The following FAM178B variants were observed in gnomAD, a reference collection of about 807,000 sequenced individuals.
FAM178B encodes the protein protein FAM178B.
A neutral mutation model predicts 91.7 loss-of-function variants in FAM178B; 82 were observed. The ratio of observed to expected loss-of-function variants is 0.89; its 90% CI spans 0.75 to 1.07. The LOEUF (loss-of-function observed/expected upper bound fraction) is 1.07, where lower values mean the gene tolerates loss of function less well. FAM178B is among the 50% of genes least tolerant of loss of function. The pLI, the probability that FAM178B is intolerant of heterozygous loss-of-function variation, is 0.00. For missense variants in FAM178B, 769 were observed against 846.7 expected (o/e 0.91, Z 1.14); for synonymous variants, 368 against 359.4 (o/e 1.02, Z -0.27).
At chr2:96,883,967 G>C (rs530527634) in intron 14 of FAM178B, among the ~76,000 whole-genome samples, 1 of 152,226 alleles carries the variant, frequency 6.6e-6, no homozygotes, top group Non-Finnish European at 1.5e-5. Flanking sequence ...TCAGGACAGA[G>C]GTGTAAGCAC....
chr2:96,949,471 A>G (rs2081888795), intron 7 of FAM178B, among the ~76,000 whole-genome samples: 1 of 152,208 alleles, frequency 6.6e-6, no homozygotes, highest in Admixed American at 6.5e-5. Context: ...GCAGGGAGAC[A>G]GCAGCAGAGG....
chr2:96,898,373 G>A (rs1246167196), intron 13 of FAM178B, among the ~76,000 whole-genome samples: 1 of 152,198 alleles, frequency 6.6e-6, no homozygotes, highest in African/African-American at 2.4e-5. Context: ...CTCAGCTCTA[G>A]GCGGGGTACA....
chr2:96,901,176 CTTTT>C (rs1195230304), intron 13 of FAM178B, among the ~76,000 whole-genome samples: 5 of 132,468 alleles, frequency 3.8e-5, no homozygotes, highest in Admixed American at 7.6e-5. Flanking sequence ...ATTCTTTTTT[CTTTT>C]TTTTTTTTTT....
At chr2:96,932,708 T>A (rs991331239) in intron 8 of FAM178B, among the ~76,000 whole-genome samples, 2 of 131,774 alleles carry the variant, frequency 1.5e-5, no homozygotes, top group African/African-American at 5.8e-5. Flanking sequence ...GAGGCCGAGG[T>A]GGGTGGATCA....
intron 12 of FAM178B, among the ~76,000 whole-genome samples, chr2:96,906,125 C>T (rs2153369659): frequency 6.7e-6 from 1 of 150,250 alleles, no homozygotes; most frequent in South Asian, 2.1e-4. Flanking sequence ...CCTGAGTGTT[C>T]TGCCCACCTC....
intron 7 of FAM178B, among the ~76,000 whole-genome samples, chr2:96,949,395 C>T (rs1355987977): frequency 6.6e-6 from 1 of 152,190 alleles, no homozygotes; most frequent in African/African-American, 2.4e-5. Flanking sequence ...CTTAGCCTAA[C>T]CAGATTCTCC....
At chr2:96,952,573 T>C (rs2081944842) in intron 6 of FAM178B, among the ~76,000 whole-genome samples, 1 of 152,152 alleles carries the variant, frequency 6.6e-6, no homozygotes, top group Non-Finnish European at 1.5e-5. Flanking sequence ...TTCCAGATCT[T>C]TGCAAAATGA....
rs547980409 is a variant in FAM178B, at chr2:96,890,983, T to C, written c.1776+2943A>G. 3.3e-5 allele frequency among the ~76,000 whole-genome samples: 5 copies of C among 152,386 alleles called. No individual in the cohort carries two copies. In the East Asian group the frequency reaches 9.6e-4, roughly 29 times the overall value. On this transcript the variant is annotated intron_variant, in intron 14 of 16. Transcript: ENST00000490605. ...AACCAAAAGCGGCTCAGCTTTGTTT[T>C]CTTTATCCAGAAGCTCTTCAAAATG...
chr2:96,960,849 G>A (rs2082069923), intron 5 of FAM178B, among the ~76,000 whole-genome samples: 1 of 152,182 alleles, frequency 6.6e-6, no homozygotes, highest in South Asian at 2.1e-4. Context: ...GGCTCCATAA[G>A]GGCCCAGGAG....
intron 1 of FAM178B, among the ~76,000 whole-genome samples, chr2:96,983,204 C>T (rs150128539): frequency 6.6e-6 from 1 of 152,058 alleles, no homozygotes; most frequent in East Asian, 1.9e-4. Flanking sequence ...AAGTGTTCAG[C>T]ATGATTGATT....
chr2:96,939,552 G>A (rs1357219527), intron 8 of FAM178B, among the ~76,000 whole-genome samples: 1 of 152,178 alleles, frequency 6.6e-6, no homozygotes, highest in African/African-American at 2.4e-5. Context: ...AAGTCAGAGA[G>A]CTGCTGAGGG....
chr2:96,901,039 C>T (rs2080917625), intron 13 of FAM178B, among the ~76,000 whole-genome samples: 1 of 152,192 alleles, frequency 6.6e-6, no homozygotes, highest in East Asian at 1.9e-4. Context: ...CGCGCTCAAC[C>T]TCCCTTCCAT....
At chr2:96,899,598 C>G (rs1021130294) in intron 13 of FAM178B, among the ~76,000 whole-genome samples, 1 of 152,028 alleles carries the variant, frequency 6.6e-6, no homozygotes, top group African/African-American at 2.4e-5. Flanking sequence ...GGGTCTTGCT[C>G]TGTCGCCCAG....
intron 6 of FAM178B, among the ~76,000 whole-genome samples, chr2:96,953,500 C>T (rs766402588): frequency 1.3e-5 from 2 of 152,232 alleles, no homozygotes; most frequent in Non-Finnish European, 2.9e-5. Flanking sequence ...ACATTTCTAA[C>T]TGCTGCTCCA....
At chr2:96,913,466 G>A (rs2081192101) in intron 12 of FAM178B, among the ~76,000 whole-genome samples, 1 of 152,212 alleles carries the variant, frequency 6.6e-6, no homozygotes, top group African/African-American at 2.4e-5. Flanking sequence ...GTGGTAAGGG[G>A]AGAAGGAAAG....
At chr2:96,905,810 A>ATG (rs1358228490) in intron 12 of FAM178B, among the ~76,000 whole-genome samples, 2 of 70,202 alleles carry the variant, frequency 2.8e-5, no homozygotes, top group African/African-American at 2.6e-4. Flanking sequence ...AAATATACAT[A>ATG]TATGTGTGTA....
chr2:96,968,084 G>C (rs1424293211), intron 4 of FAM178B, among the ~76,000 whole-genome samples: 1 of 151,556 alleles, frequency 6.6e-6, no homozygotes, highest in East Asian at 1.9e-4. Context: ...ACTCGGATTC[G>C]TTCTTTTTTT....
chr2:96,895,969 G>C (rs1228577111), intron 13 of FAM178B, among the ~76,000 whole-genome samples: 1 of 152,226 alleles, frequency 6.6e-6, no homozygotes, highest in Non-Finnish European at 1.5e-5. Context: ...GATCCTTTTG[G>C]GAGGGGGGAG....
intron 1 of FAM178B, 145 bp downstream of exon 1, chr2:96,986,096 G>A: frequency 6.9e-7 from 1 of 1,443,194 alleles, no homozygotes; most frequent in South Asian, 1.4e-5. Context: ...CGGGGTCGCA[G>A]GAACCTGAAA....
Sources: gnomAD v4.1 joint callset for allele counts (sites outside exome capture counted in the v4.1 genomes callset) on GRCh38, gnomAD v4.1.1 for gene constraint, MANE v1.5 for transcripts, NCBI Gene and HGNC (gene_info 2026-07-23, HGNC 2026-07-21) for gene names.